FAM168A: variants seen among roughly 807,000 people sequenced by gnomAD.
FAM168A encodes family with sequence similarity 168 member A.
In FAM168A, 3 loss-of-function variants were observed where a neutral mutation model predicts 28.5. The ratio of observed to expected loss-of-function variants is 0.11; its 90% CI spans 0.05 to 0.27. The LOEUF (loss-of-function observed/expected upper bound fraction) is 0.27. Among genes scored for constraint, FAM168A ranks in the 10% least tolerant of loss-of-function variants. The pLI is 1.00. For synonymous variants in FAM168A, 122 were observed against 124.2 expected (o/e 0.98, Z 0.12); for missense variants, 222 against 311.5 (o/e 0.71, Z 2.16).
At chr11:73,569,084 T>A (rs1443365562) in intron 1 of FAM168A, among the ~76,000 whole-genome samples, 1 of 152,190 alleles carries the variant, frequency 6.6e-6, no homozygotes, top group Non-Finnish European at 1.5e-5. Flanking sequence ...AAGGCTCTGT[T>A]ATAGACAGTT....
chr11:73,581,494 T>C (rs1565307494), intron 1 of FAM168A, among the ~76,000 whole-genome samples: 2 of 152,190 alleles, frequency 1.3e-5, no homozygotes, highest in African/African-American at 4.8e-5. Context: ...ATTCACAGAG[T>C]ACTTAAACAA....
intron 1 of FAM168A, among the ~76,000 whole-genome samples, chr11:73,553,599 A>G (rs1403969537): frequency 6.6e-6 from 1 of 152,184 alleles, no homozygotes; most frequent in Non-Finnish European, 1.5e-5. Context: ...CAGTCTTTCT[A>G]GCGGGTAGTC....
chr11:73,502,342 T>A (rs977997498), intron 1 of FAM168A, among the ~76,000 whole-genome samples: 1 of 151,974 alleles, frequency 6.6e-6, no homozygotes, highest in East Asian at 1.9e-4. Flanking sequence ...AAATACAAAC[T>A]ACCATCAGAG....
At chr11:73,565,548 C>T (rs889635774) in intron 1 of FAM168A, among the ~76,000 whole-genome samples, 3 of 152,048 alleles carry the variant, frequency 2.0e-5, no homozygotes, top group Admixed American at 2.0e-4. Flanking sequence ...AAATGGGAAA[C>T]ATTATAATAC....
intron 1 of FAM168A, among the ~76,000 whole-genome samples, chr11:73,526,534 A>C (rs1269567033): frequency 6.6e-6 from 1 of 152,144 alleles, no homozygotes; most frequent in Admixed American, 6.5e-5. Flanking sequence ...AAAATCATTA[A>C]GAGTAGCTAA....
At chr11:73,580,178 A>G in intron 1 of FAM168A, 1 of 420,668 alleles carries the variant, frequency 2.4e-6, no homozygotes. Flanking sequence ...CGACCCCCAG[A>G]CCAACCAAAG....
chr11:73,473,297 T>C (rs1053118193), intron 1 of FAM168A, among the ~76,000 whole-genome samples: 2 of 152,210 alleles, frequency 1.3e-5, no homozygotes, highest in Non-Finnish European at 2.9e-5. Flanking sequence ...TTACTTTCAC[T>C]GTACTAGATG....
intron 6 of FAM168A, 146 bp downstream of exon 6, chr11:73,409,341 T>C: frequency 2.0e-6 from 2 of 992,586 alleles, no homozygotes; most frequent in South Asian, 3.4e-5. Flanking sequence ...CATAGACAGA[T>C]TTAGAGGCTC....
chr11:73,483,932 TG>T (rs1247409426), intron 1 of FAM168A, among the ~76,000 whole-genome samples: 1 of 152,212 alleles, frequency 6.6e-6, no homozygotes, highest in African/African-American at 2.4e-5. Flanking sequence ...GAAGATTGTA[TG>T]GGGGAAGTAT....
intron 1 of FAM168A, among the ~76,000 whole-genome samples, chr11:73,496,222 G>A (rs985025223): frequency 6.6e-6 from 1 of 152,124 alleles, no homozygotes; most frequent in Admixed American, 6.5e-5. Flanking sequence ...CTCACAAAAC[G>A]ACAAATACTG....
chr11:73,583,729 C>T (rs1435838515), intron 1 of FAM168A, among the ~76,000 whole-genome samples: 1 of 152,212 alleles, frequency 6.6e-6, no homozygotes, highest in Non-Finnish European at 1.5e-5. Context: ...AGGCACTGCA[C>T]ATCTGAAGAA....
At chr11:73,552,343 G>T (rs1161083976) in intron 1 of FAM168A, among the ~76,000 whole-genome samples, 3 of 152,176 alleles carry the variant, frequency 2.0e-5, no homozygotes, top group Admixed American at 2.0e-4. Context: ...AGCTCATATG[G>T]GCATTCAATA....
chr11:73,430,053 C>T (rs1020077143), intron 3 of FAM168A: 3 of 152,726 alleles, frequency 2.0e-5, no homozygotes, highest in African/African-American at 7.2e-5. Flanking sequence ...AGTATTAGAG[C>T]ACCAGCTGAG....
intron 2 of FAM168A, among the ~76,000 whole-genome samples, chr11:73,454,178 C>T (rs1253864125): frequency 6.6e-6 from 1 of 152,046 alleles, no homozygotes; most frequent in Non-Finnish European, 1.5e-5. Flanking sequence ...CAAGAAGGAA[C>T]ACAGAAAAAT....
chr11:73,426,702 G>GCT (rs761932360), intron 3 of FAM168A, among the ~76,000 whole-genome samples: 1 of 114,016 alleles, frequency 8.8e-6, no homozygotes, highest in Admixed American at 8.2e-5. Flanking sequence ...TCCAAAATAT[G>GCT]CTGTGTGTGT....
chr11:73,562,007 A>C lies in FAM168A; in HGVS notation c.-19+35916T>G, dbSNP rs559045070. On this transcript the variant is annotated intron_variant, in intron 1 of 7. Transcript: ENST00000356467. ...GCCCAGGCTGGAGTGCAATGGTGCAATCTCAGCTCACTGCAACCTCCACCT... is the reference window on the plus strand; with the variant it reads ...GCCCAGGCTGGAGTGCAATGGTGCACTCTCAGCTCACTGCAACCTCCACCT... Among the ~76,000 whole-genome samples, 7 of 152,134 alleles carry C rather than the reference A, an allele frequency of 4.6e-5. No individual in the cohort carries two copies. In the East Asian group the frequency reaches 1.4e-3, roughly 29 times the overall value.
intron 1 of FAM168A, among the ~76,000 whole-genome samples, chr11:73,500,420 A>C (rs1225318743): frequency 6.6e-6 from 1 of 151,960 alleles, no homozygotes; most frequent in Non-Finnish European, 1.5e-5. Context: ...CAGCATGCCC[A>C]GCTAATTTTT....
chr11:73,408,439 C>T (rs1590751314), intron 6 of FAM168A, among the ~76,000 whole-genome samples: 2 of 152,242 alleles, frequency 1.3e-5, no homozygotes, highest in South Asian at 4.1e-4. Context: ...TCACTCTACC[C>T]CTTGTACTTT....
rs1190546228 is a variant in FAM168A at position 73,406,271 on chromosome 11, T to A, written c.*492A>T. The A allele has an allele frequency of 6.6e-6, 1 of 152,204 alleles. No homozygotes were observed. The highest frequency in any genetic ancestry group is 1.5e-5 in the Non-Finnish European group (1 of 68,038). The allele number at this position is 152,204 out of a possible 1,614,324, so 9.4% of individuals were successfully genotyped here. On this transcript the variant is annotated 3_prime_UTR_variant, in exon 8 of 8. Transcript: ENST00000356467. ...TTCATTTGTGTCTGGGACATGGGAATGTCCTGAACTAATCTTGCTTAAGAA... is the reference window on the plus strand; with the variant it reads ...TTCATTTGTGTCTGGGACATGGGAAAGTCCTGAACTAATCTTGCTTAAGAA...
Sources: allele counts gnomAD v4.1 joint callset (sites outside exome capture counted in the v4.1 genomes callset), GRCh38; gene constraint gnomAD v4.1.1; transcripts MANE v1.5; gene names NCBI Gene and HGNC (gene_info 2026-07-23, HGNC 2026-07-21).